MALT1: variants seen among roughly 807,000 people sequenced by gnomAD.
MALT1 encodes MALT1 paracaspase.
A neutral mutation model predicts 85.5 loss-of-function variants in MALT1; 36 were observed. The observed-to-expected ratio is 0.42, with a 90% CI of 0.32 to 0.56. The LOEUF (loss-of-function observed/expected upper bound fraction) is 0.56, where lower values mean the gene tolerates loss of function less well. MALT1 is among the 20% of genes least tolerant of loss of function. The pLI, the probability that MALT1 is intolerant of heterozygous loss-of-function variation, is 0.10. For synonymous variants in MALT1, 359 were observed against 361.3 expected (o/e 0.99, Z 0.07); for missense variants, 716 against 981.6 (o/e 0.73, Z 3.62).
At chr18:58,674,751 T>C (rs942445887) in intron 1 of MALT1, among the ~76,000 whole-genome samples, 2 of 152,150 alleles carry the variant, frequency 1.3e-5, no homozygotes, top group Non-Finnish European at 2.9e-5. Context: ...ATAGTGTGAG[T>C]GTCTAGTCCG....
chr18:58,727,268 GT>G (rs1183837382), intron 10 of MALT1, among the ~76,000 whole-genome samples: 78 of 25,976 alleles, frequency 3.0e-3, no homozygotes, highest in Non-Finnish European at 6.8e-4. Context: ...TCTACCTAAG[GT>G]TTTTTGGGTT....
At position 58,681,486 on chromosome 18, in the gene MALT1, CA is replaced by C. The variant is rs1439286408; in HGVS notation, c.376+152del. On this transcript the variant is annotated intron_variant, in intron 2 of 16. Coordinates refer to ENST00000649217, the MANE Select transcript of MALT1 (RefSeq NM_006785.4). ...TTGCTTTCCCAGGTTGAAGCAAATG[CA>C]ATGCATGAATATTGGTTGGATTGTG... 3 of 653,430 alleles carry C rather than the reference CA, an allele frequency of 4.6e-6. No individual in the cohort carries two copies. The Admixed American group carries it at 1.1e-4, about 23-fold the overall frequency. The allele number at this position is 653,430 out of a possible 1,614,324, so 40.5% of individuals were successfully genotyped here.
Position 58,741,927 on chromosome 18 carries a change from G to A in MALT1, c.1666G>A (p.Glu556Lys), listed in dbSNP as rs1568155735. 6.4e-7 allele frequency: 1 copy of A among 1,572,682 alleles called. No homozygotes were observed. Among genetic ancestry groups the A allele is most frequent in the Non-Finnish European group, 8.7e-7 (1 of 1,149,606 alleles). ...TCTAGAGATTCGAAGTAGTTTATCT[G>A]AGAAGAGAGCACTTACTGATCCAAT... ...QALEIRSSLSEKRALTDPIQG... is the reference protein window; with the variant it reads ...QALEIRSSLSKKRALTDPIQG... Residue 556 changes from glutamate (E) to lysine (K), a missense_variant, in exon 14 of 17, where the codon GAG (glutamate) becomes AAG (lysine). Physicochemically the swap from Glu to Lys is moderately conservative, Grantham distance 56 (BLOSUM62 1). This residue lies in a region of MALT1 where 260 missense variants were observed against 323.7 expected (regional missense o/e 0.80). Transcript: ENST00000649217.
chr18:58,714,310 C>T (rs2054871450), intron 8 of MALT1, among the ~76,000 whole-genome samples: 1 of 152,032 alleles, frequency 6.6e-6, no homozygotes, highest in South Asian at 2.1e-4. Context: ...GGTTATAAAA[C>T]TGTAAGGGTA....
Position 58,671,502 on chromosome 18 carries a change from C to T in MALT1, c.-142C>T. 2.1e-6 allele frequency: 1 copy of T among 476,502 alleles called. No homozygotes were observed. Among genetic ancestry groups the T allele is most frequent in the Non-Finnish European group, 3.3e-6 (1 of 306,686 alleles). 29.5% of individuals were successfully genotyped at this position (476,502 alleles called of 1,614,324 possible). ...TTGGGGCGGGGAGCGGAGCTTCCTC[C>T]TCTGAGGGCCGTGCCGCGCTGCCAG... On this transcript the variant is annotated 5_prime_UTR_variant, in exon 1 of 17. Transcript: ENST00000649217.
chr18:58,674,966 A>G (rs762018239), intron 1 of MALT1, among the ~76,000 whole-genome samples: 16 of 152,220 alleles, frequency 1.1e-4, no homozygotes, highest in Non-Finnish European at 2.2e-4. Flanking sequence ...CAAACTGTCT[A>G]CAAGAGATTA....
At chr18:58,734,225 T>C (rs1468446321) in intron 11 of MALT1, 82 bp from the exon 12 acceptor site, 4 of 1,159,546 alleles carry the variant, frequency 3.4e-6, no homozygotes, top group African/African-American at 1.6e-5. Context: ...AACTGTTGTA[T>C]TTTCTCATTA....
chr18:58,677,570 A>G (rs1457787826), intron 1 of MALT1: 1 of 152,216 alleles, frequency 6.6e-6, no homozygotes, highest in East Asian at 1.9e-4. Flanking sequence ...TAAGAGCACT[A>G]ACAGGCAGCT....
chr18:58,712,464 T>A (rs998542268), intron 7 of MALT1, among the ~76,000 whole-genome samples: 2 of 152,110 alleles, frequency 1.3e-5, no homozygotes, highest in Non-Finnish European at 2.9e-5. Context: ...AAGACAAATA[T>A]CATATGTTCT....
intron 6 of MALT1, 84 bp from the exon 7 acceptor site, chr18:58,710,837 G>A: frequency 2.4e-6 from 2 of 822,720 alleles, no homozygotes; most frequent in Non-Finnish European, 4.0e-6. Flanking sequence ...TTATCTCTAT[G>A]ATATTGATCT....
chr18:58,708,779 G>A (rs1221669050), intron 4 of MALT1, among the ~76,000 whole-genome samples: 1 of 152,162 alleles, frequency 6.6e-6, no homozygotes, highest in African/African-American at 2.4e-5. Flanking sequence ...CCTGTAATGT[G>A]TTAGACACTG....
In MALT1 at chr18:58,747,844, C is replaced by A; in HGVS notation, c.*2C>A. On this transcript the variant is annotated 3_prime_UTR_variant, in exon 17 of 17. Coordinates refer to ENST00000649217, the MANE Select transcript of MALT1 (RefSeq NM_006785.4). The stretch of plus-strand genomic sequence containing the variant: ...AGGCTCAGAATTTCTGAAAAATGAC[C>A]TCCTTGTTTTTGAAAGTTAGCATAA... 1 of 1,608,614 alleles carries A rather than the reference C, an allele frequency of 6.2e-7. No homozygotes were observed. The highest frequency in any genetic ancestry group is 8.5e-7 in the Non-Finnish European group (1 of 1,176,378).
chr18:58,725,742 T>TAAAA (rs544074226), intron 10 of MALT1, among the ~76,000 whole-genome samples: 127 of 152,226 alleles, frequency 8.3e-4, no homozygotes, highest in Non-Finnish European at 5.7e-4. Flanking sequence ...CCTTGGCTTT[T>TAAAA]AAGCCCTTTG....
intron 8 of MALT1, among the ~76,000 whole-genome samples, chr18:58,714,896 C>A (rs1220479822): frequency 6.6e-6 from 1 of 152,180 alleles, no homozygotes; most frequent in Non-Finnish European, 1.5e-5. Flanking sequence ...CCACTTATTT[C>A]TCATTATTTT....
At chr18:58,701,198 G>A (rs1602301340) in intron 4 of MALT1, among the ~76,000 whole-genome samples, 1 of 151,996 alleles carries the variant, frequency 6.6e-6, no homozygotes, top group Non-Finnish European at 1.5e-5. Flanking sequence ...GCCTCAGTCT[G>A]GTCGCTGCCA....
At chr18:58,686,101 C>G (rs1404921340) in intron 2 of MALT1, among the ~76,000 whole-genome samples, 2 of 152,144 alleles carry the variant, frequency 1.3e-5, no homozygotes, top group Non-Finnish European at 2.9e-5. Context: ...GATCTTGGCT[C>G]ACTGCAACCT....
intron 16 of MALT1, among the ~76,000 whole-genome samples, 200 bp from the exon 17 acceptor site, chr18:58,747,205 T>C (rs1240705311): frequency 1.3e-5 from 2 of 152,170 alleles, no homozygotes; most frequent in East Asian, 3.9e-4. Flanking sequence ...GTTGTAAGTA[T>C]TGCATGAAGG....
rs2055482043 is a variant in MALT1 at position 58,754,148 on chromosome 18, A to T, written c.*6306A>T. Reference sequence around the variant, plus strand: ...AGGTGTTACTATACCCTCCAGGATAACCCAGCTAGTAAGGGCAGAGCCAGG... The same window carrying T: ...AGGTGTTACTATACCCTCCAGGATATCCCAGCTAGTAAGGGCAGAGCCAGG... On this transcript the variant is annotated 3_prime_UTR_variant, in exon 17 of 17. Transcript: ENST00000649217. 1 of 152,194 alleles carries T rather than the reference A, an allele frequency of 6.6e-6. No individual in the cohort carries two copies. Among genetic ancestry groups the T allele is most frequent in the South Asian group, 2.1e-4 (1 of 4,838 alleles). The allele number at this position is 152,194 out of a possible 1,614,324, so 9.4% of individuals were successfully genotyped here.
intron 1 of MALT1, 164 bp downstream of exon 1, chr18:58,672,016 G>A (rs1437049353): frequency 2.3e-6 from 1 of 430,410 alleles, no homozygotes; most frequent in Non-Finnish European, 3.8e-6. Context: ...GAACTCAGCA[G>A]CTCCCCGGAA....
Sources: gnomAD v4.1 joint callset for allele counts (sites outside exome capture counted in the v4.1 genomes callset) on GRCh38, gnomAD v4.1.1 for gene constraint, gnomAD v4.1.1 regional missense constraint, MANE v1.5 for transcripts, NCBI Gene and HGNC (gene_info 2026-07-23, HGNC 2026-07-21) for gene names.